The following ASAP2 variants were observed in gnomAD, a reference collection of about 807,000 sequenced individuals.
The protein encoded by ASAP2 is arf-GAP with SH3 domain, ANK repeat and PH domain-containing protein 2.
A neutral mutation model predicts 131.4 loss-of-function variants in ASAP2; 45 were observed. That is an observed-to-expected ratio of 0.34 (90% CI 0.27 to 0.44). ASAP2 has a LOEUF of 0.44. Ranked by LOEUF, ASAP2 falls within the 20% of genes least tolerant of loss-of-function variation. ASAP2 has a pLI of 1.00. For missense variants in ASAP2, 1,011 were observed against 1,297.0 expected (o/e 0.78, Z 3.39); for synonymous variants, 510 against 503.0 (o/e 1.01, Z -0.19).
chr2:9,309,025 T>G (rs1339757782), intron 3 of ASAP2, among the ~76,000 whole-genome samples: 1 of 152,194 alleles, frequency 6.6e-6, no homozygotes, highest in Non-Finnish European at 1.5e-5. Context: ...AGGACCTTTG[T>G]GTTAGAGTCC....
At chr2:9,373,536 G>T (rs1322171572) in intron 16 of ASAP2, among the ~76,000 whole-genome samples, 1 of 152,252 alleles carries the variant, frequency 6.6e-6, no homozygotes, top group Non-Finnish European at 1.5e-5. Context: ...GCCTCCAGTG[G>T]CATGTCCAGG....
At chr2:9,225,446 C>A (rs1662692198) in intron 1 of ASAP2, among the ~76,000 whole-genome samples, 1 of 152,138 alleles carries the variant, frequency 6.6e-6, no homozygotes, top group African/African-American at 2.4e-5. Context: ...TTTTCTTCCC[C>A]AGGAAATGTA....
intron 16 of ASAP2, among the ~76,000 whole-genome samples, chr2:9,370,675 T>A (rs1673879313): frequency 6.6e-6 from 1 of 152,180 alleles, no homozygotes. Flanking sequence ...GTGCTTAGTT[T>A]TAGTGCCTGG....
intron 1 of ASAP2, among the ~76,000 whole-genome samples, chr2:9,218,901 A>G (rs1220684881): frequency 6.6e-6 from 1 of 152,202 alleles, no homozygotes; most frequent in Non-Finnish European, 1.5e-5. Context: ...CCTTCTTTAA[A>G]GATTCCCTCC....
At chr2:9,272,821 A>G in intron 1 of ASAP2, among the ~76,000 whole-genome samples, 1 of 152,280 alleles carries the variant, frequency 6.6e-6, no homozygotes, top group South Asian at 2.1e-4. Context: ...TCCTTTCCCC[A>G]GTGTATGTTC....
At chr2:9,265,026 C>T (rs1023671002) in intron 1 of ASAP2, among the ~76,000 whole-genome samples, 139 of 152,236 alleles carry the variant, frequency 9.1e-4, no homozygotes, top group Non-Finnish European at 7.2e-4. Context: ...CTCCCAGCTA[C>T]TCAGGACGCT....
chr2:9,256,052 A>G (rs887706490), intron 1 of ASAP2, among the ~76,000 whole-genome samples: 3 of 151,858 alleles, frequency 2.0e-5, no homozygotes, highest in African/African-American at 7.3e-5. Context: ...GTGTAGACTT[A>G]AAGTTGTAGA....
chr2:9,387,324 T>C (rs1022799650), intron 21 of ASAP2, among the ~76,000 whole-genome samples: 1 of 152,056 alleles, frequency 6.6e-6, no homozygotes, highest in South Asian at 2.1e-4. Flanking sequence ...TCACAGTCCA[T>C]GTTAACAATT....
At chr2:9,230,045 A>G (rs1189759933) in intron 1 of ASAP2, among the ~76,000 whole-genome samples, 3 of 152,234 alleles carry the variant, frequency 2.0e-5, no homozygotes, top group Non-Finnish European at 2.9e-5. Context: ...TTCTGCAAGA[A>G]GAGATGATGA....
rs1271556325 is a variant in ASAP2, at chr2:9,265,598, C to T, written c.127-13719C>T. Among the ~76,000 whole-genome samples, 3 of 152,136 alleles carry T rather than the reference C, an allele frequency of 2.0e-5. No individual in the cohort carries two copies. The East Asian group carries it at 5.8e-4, about 29-fold the overall frequency. On this transcript the variant is annotated intron_variant, in intron 1 of 27. Coordinates refer to ENST00000281419, the MANE Select transcript of ASAP2 (RefSeq NM_003887.3). ...AAACAAAAAATTCCTCCAACTTTTC[C>T]TAAGACAACAATGATTATTTTCTTT...
At chr2:9,318,286 A>G (rs1199645276) in intron 3 of ASAP2, among the ~76,000 whole-genome samples, 2 of 152,344 alleles carry the variant, frequency 1.3e-5, no homozygotes, top group South Asian at 2.1e-4. Context: ...CTAGCATAAC[A>G]ATATAAGATT....
At chr2:9,331,746 C>T (rs1251394929) in intron 7 of ASAP2, among the ~76,000 whole-genome samples, 2 of 151,362 alleles carry the variant, frequency 1.3e-5, no homozygotes, top group African/African-American at 2.4e-5. Flanking sequence ...CCAGCCTGGG[C>T]GACAGAGCGA....
chr2:9,338,425 C>T (rs942236979), intron 9 of ASAP2, among the ~76,000 whole-genome samples: 1 of 152,056 alleles, frequency 6.6e-6, no homozygotes, highest in African/African-American at 2.4e-5. Flanking sequence ...ACAGTTTGTG[C>T]CACCCAGGCA....
chr2:9,215,189 G>A (rs10166616), intron 1 of ASAP2, among the ~76,000 whole-genome samples: 95,003 of 152,056 alleles, frequency 0.62, 31,460 homozygotes, highest in African/African-American at 0.85. Flanking sequence ...GTATTTATGT[G>A]TGGTATTTGT....
intron 1 of ASAP2, among the ~76,000 whole-genome samples, chr2:9,270,430 T>A (rs1489598910): frequency 6.6e-6 from 1 of 151,842 alleles, no homozygotes; most frequent in African/African-American, 2.4e-5. Flanking sequence ...TATTTTTTTT[T>A]AAATTTTTGA....
intron 3 of ASAP2, among the ~76,000 whole-genome samples, chr2:9,317,002 C>G (rs144524521): frequency 6.8e-6 from 1 of 146,860 alleles, no homozygotes; most frequent in Non-Finnish European, 1.5e-5. Flanking sequence ...CTCATACACT[C>G]TCACAACCAC....
At chr2:9,330,589 G>A (rs1422432943) in intron 7 of ASAP2, among the ~76,000 whole-genome samples, 2 of 152,138 alleles carry the variant, frequency 1.3e-5, no homozygotes, top group African/African-American at 4.8e-5. Flanking sequence ...TCTCTACTTG[G>A]TGGAAAAGAC....
intron 9 of ASAP2, among the ~76,000 whole-genome samples, chr2:9,337,275 CT>C (rs1359800165): frequency 1.3e-5 from 2 of 152,192 alleles, no homozygotes; most frequent in African/African-American, 4.8e-5. Context: ...CTCTGCGTTG[CT>C]TTTAGGTGAT....
intron 1 of ASAP2, among the ~76,000 whole-genome samples, chr2:9,246,481 G>A (rs542111643): frequency 1.2e-4 from 19 of 152,066 alleles, no homozygotes; most frequent in African/African-American, 3.6e-4. Flanking sequence ...TTGTAGAGAC[G>A]GAGTATCACC....
Sources: gnomAD v4.1 joint callset for allele counts (sites outside exome capture counted in the v4.1 genomes callset) on GRCh38, gnomAD v4.1.1 for gene constraint, MANE v1.5 for transcripts, NCBI Gene and HGNC (gene_info 2026-07-23, HGNC 2026-07-21) for gene names.